COL15A1: variants seen among roughly 807,000 people sequenced by gnomAD.
COL15A1 encodes the protein collagen alpha-1(XV) chain.
In COL15A1, 111 loss-of-function variants were observed where a neutral mutation model predicts 165.9. That is an observed-to-expected ratio of 0.67 (90% CI 0.57 to 0.78). COL15A1 has a LOEUF of 0.78. Ranked by LOEUF, COL15A1 falls within the 30% of genes least tolerant of loss-of-function variation. The pLI is 0.00. For synonymous variants in COL15A1, 659 were observed against 674.8 expected, an observed-to-expected ratio of 0.98 and a Z score of 0.36; for missense variants, 1,745 against 1,789.7, an observed-to-expected ratio of 0.98 and a Z score of 0.45.
intron 22 of COL15A1, 89 bp downstream of exon 22, chr9:99,038,822 C>T (rs1839350580): frequency 2.5e-6 from 2 of 785,804 alleles, no homozygotes; most frequent in Admixed American, 1.9e-5. Context: ...CCTTTTAGCT[C>T]CTGAAGCGTA....
chr9:98,975,862 G>A (rs890836777), intron 2 of COL15A1, among the ~76,000 whole-genome samples: 1 of 152,196 alleles, frequency 6.6e-6, no homozygotes, highest in East Asian at 1.9e-4. Flanking sequence ...TGGGGCCCCC[G>A]TGTGTTGGGG....
chr9:98,989,023 GACACACACACACACAC>G (rs67974914), intron 4 of COL15A1, among the ~76,000 whole-genome samples, 139 bp from the exon 5 acceptor site: 8 of 144,296 alleles, frequency 5.5e-5, no homozygotes, highest in South Asian at 2.3e-4. Flanking sequence ...GTCTCTCATA[GACACACACACACACAC>G]ACACACACAC....
intron 2 of COL15A1, among the ~76,000 whole-genome samples, chr9:98,951,931 T>C (rs1462077394): frequency 6.6e-6 from 1 of 152,220 alleles, no homozygotes; most frequent in Non-Finnish European, 1.5e-5. Context: ...AAGATTCTAC[T>C]CTGGGAAGCT....
At chr9:99,027,196 C>T (rs555860188) in intron 16 of COL15A1, among the ~76,000 whole-genome samples, 13 of 152,210 alleles carry the variant, frequency 8.5e-5, no homozygotes, top group East Asian at 3.9e-4. Context: ...GCTAGGGATG[C>T]GATCAGTGGG....
chr9:99,035,313 A>G (rs755921771), intron 18 of COL15A1, 37 bp from the exon 19 acceptor site: 1 of 1,614,108 alleles, frequency 6.2e-7, no homozygotes, highest in Non-Finnish European at 8.5e-7. Flanking sequence ...GTGCCCAGGA[A>G]CTGGATCTGA....
intron 26 of COL15A1, among the ~76,000 whole-genome samples, chr9:99,047,307 G>A (rs1332979079): frequency 6.6e-6 from 1 of 152,206 alleles, no homozygotes. Flanking sequence ...GGGCAGGTTA[G>A]AGCAAGGAAG....
intron 30 of COL15A1, among the ~76,000 whole-genome samples, chr9:99,051,589 G>A (rs1471058822): frequency 6.6e-6 from 1 of 152,158 alleles, no homozygotes; most frequent in Non-Finnish European, 1.5e-5. Flanking sequence ...ATAACAGCTT[G>A]GAGCTGCAAC....
rs80070814 is a variant in COL15A1 at position 98,974,438 on chromosome 9, A to T, written c.101-11127A>T. Among the ~76,000 whole-genome samples, 1,350 of 152,282 alleles carry T rather than the reference A, an allele frequency of 8.9e-3. 26 individuals carry two copies. Among genetic ancestry groups the T allele is most frequent in the African/African-American group, 0.031 (1,274 of 41,542 alleles). On this transcript the variant is annotated intron_variant, in intron 2 of 41. Coordinates refer to ENST00000375001, the MANE Select transcript of COL15A1 (RefSeq NM_001855.5). Reference sequence around the variant, plus strand: ...GTAGGGGTGTCCAAAGGGAAGGGAAAGAACCGTCCCAGAAGATGCAAGAAC... The same window carrying T: ...GTAGGGGTGTCCAAAGGGAAGGGAATGAACCGTCCCAGAAGATGCAAGAAC...
chr9:99,057,503 G>A (rs929254823), intron 35 of COL15A1, among the ~76,000 whole-genome samples: 3 of 152,180 alleles, frequency 2.0e-5, no homozygotes, highest in African/African-American at 7.2e-5. Context: ...GCATGTATCA[G>A]ATGCCAGGCA....
At chr9:99,036,271 T>A in intron 20 of COL15A1, 42 bp from the exon 21 acceptor site, 1 of 1,613,962 alleles carries the variant, frequency 6.2e-7, no homozygotes, top group African/African-American at 1.3e-5. Context: ...GCATTATCGC[T>A]GTACAGTGAA....
intron 21 of COL15A1, 93 bp downstream of exon 21, chr9:99,036,489 T>C: frequency 7.4e-7 from 1 of 1,347,060 alleles, no homozygotes; most frequent in Admixed American, 1.9e-5. Context: ...CTTCTGGCTA[T>C]GCAGGAGGCA....
Position 98,985,645 on chromosome 9 carries a change from T to TA in COL15A1, c.182dup (p.Tyr61Ter), listed in dbSNP as rs1184772364. ...CTCGTCCGTATCCTTTGTCACAGGC[T>TA]ATGGTGGCTTCCCGGCCTACAGTTT... The part of the protein sequence containing the change: ...LPSSVSFVTG[Y>*]GGFPAYSFGP... The change falls in exon 3 of 42, where the codon TAT becomes TAAT. Residue 61 changes from tyrosine (Y) to a stop codon, truncating the protein, a stop_gained and frameshift_variant. Transcript: ENST00000375001. LOFTEE classifies it high-confidence loss of function. The TA allele has an allele frequency of 6.2e-7, 1 of 1,614,278 alleles. No homozygotes were observed. Among genetic ancestry groups the TA allele is most frequent in the East Asian group, 2.2e-5 (1 of 44,894 alleles).
intron 12 of COL15A1, among the ~76,000 whole-genome samples, chr9:99,021,165 A>G (rs1478815799): frequency 6.6e-6 from 1 of 152,058 alleles, no homozygotes; most frequent in Non-Finnish European, 1.5e-5. Context: ...TCTCATCTCC[A>G]CCATGACCCT....
intron 5 of COL15A1, among the ~76,000 whole-genome samples, chr9:98,989,543 G>A (rs546495651): frequency 6.6e-6 from 1 of 152,330 alleles, no homozygotes; most frequent in Admixed American, 6.5e-5. Context: ...TGGGTAAAAA[G>A]CCTGTGGCCT....
At chr9:98,950,333 C>T (rs1837658971) in intron 2 of COL15A1, among the ~76,000 whole-genome samples, 1 of 152,220 alleles carries the variant, frequency 6.6e-6, no homozygotes, top group Non-Finnish European at 1.5e-5. Context: ...TTATGCACAT[C>T]ATCGCCAATG....
intron 39 of COL15A1, among the ~76,000 whole-genome samples, chr9:99,064,671 A>G (rs529050397): frequency 6.6e-6 from 1 of 152,366 alleles, no homozygotes; most frequent in East Asian, 1.9e-4. Flanking sequence ...CAAGCCAAGC[A>G]AGGTAGTAGC....
intron 6 of COL15A1, 72 bp downstream of exon 6, chr9:98,997,153 G>C: frequency 6.4e-7 from 1 of 1,561,570 alleles, no homozygotes; most frequent in Middle Eastern, 1.7e-4. Context: ...CCGGGGCCAT[G>C]TATGTAACAT....
chr9:99,061,111 A>G (rs774066508), intron 36 of COL15A1, among the ~76,000 whole-genome samples: 19 of 152,188 alleles, frequency 1.2e-4, no homozygotes, highest in Non-Finnish European at 2.1e-4. Flanking sequence ...CAGGAGTCCA[A>G]AAATGCTCTT....
At position 98,944,393 on chromosome 9, in the gene COL15A1, C is replaced by T; in HGVS notation, c.100+143C>T. On this transcript the variant is annotated intron_variant, in intron 2 of 41. Coordinates refer to ENST00000375001, the MANE Select transcript of COL15A1 (RefSeq NM_001855.5). The stretch of plus-strand genomic sequence containing the variant: ...GCCACTCAGTGCGCACTGGCGGTCC[C>T]GCGGGCGGCTACCTCCTGGCAGTGC... 3 of 843,170 alleles carry T rather than the reference C, an allele frequency of 3.6e-6. No individual in the cohort carries two copies. In the South Asian group the frequency reaches 4.9e-5, roughly 14 times the overall value. The allele number at this position is 843,170 out of a possible 1,614,324, so 52.2% of individuals were successfully genotyped here. A position where few individuals can be genotyped will look rare whatever the true frequency, so the allele number is the denominator to read the frequency against.
Sources: allele counts gnomAD v4.1 joint callset (sites outside exome capture counted in the v4.1 genomes callset), GRCh38; gene constraint gnomAD v4.1.1; transcripts MANE v1.5; gene names NCBI Gene and HGNC (gene_info 2026-07-23, HGNC 2026-07-21).